ADGRV1: variants seen among roughly 807,000 people sequenced by gnomAD.
ADGRV1 encodes adhesion G protein-coupled receptor V1, also known as G-protein coupled receptor 98.
In ADGRV1, 359 loss-of-function variants were observed where a neutral mutation model predicts 596.2. The observed-to-expected ratio is 0.60, with a 90% CI of 0.55 to 0.66. The LOEUF is 0.66. Ranked by LOEUF, ADGRV1 falls within the 30% of genes least tolerant of loss-of-function variation. ADGRV1 has a pLI of 0.00. For synonymous variants in ADGRV1, 2,681 were observed against 2,679.2 expected, an observed-to-expected ratio of 1.00 and a Z score of -0.02; for missense variants, 7,274 against 7,575.6, an observed-to-expected ratio of 0.96 and a Z score of 1.48.
At chr5:90,564,099 A>G (rs1203626035) in intron 1 of ADGRV1, among the ~76,000 whole-genome samples, 10 of 152,264 alleles carry the variant, frequency 6.6e-5, no homozygotes. Flanking sequence ...AGAAGGCATA[A>G]TAGAAAGAAG....
chr5:90,719,864 T>C (rs1750683588), intron 43 of ADGRV1, among the ~76,000 whole-genome samples, 184 bp from the exon 44 acceptor site: 1 of 152,190 alleles, frequency 6.6e-6, no homozygotes, highest in Non-Finnish European at 1.5e-5. Context: ...AAGTTGAAAA[T>C]CCTAAAAGTA....
rs545629934 is a variant in ADGRV1 at position 90,756,418 on chromosome 5, A to G, written c.11581-36A>G. 2.7e-5 allele frequency: 39 copies of G among 1,424,496 alleles called. No homozygotes were observed. The East Asian group carries it at 7.8e-4, about 28-fold the overall frequency. The allele number at this position is 1,424,496 out of a possible 1,614,324, so 88.2% of individuals were successfully genotyped here. On this transcript the variant is annotated intron_variant, in intron 55 of 89. Transcript: ENST00000405460. ...TCAATGCAAGTTAAATGTCTTAAAA[A>G]AAAATGAAACACCATCTTTTTCCCC... is the stretch of plus-strand genomic sequence containing the variant.
At position 91,062,878 on chromosome 5, in the gene ADGRV1, G is replaced by T. The variant is rs73771168; in HGVS notation, c.18153-9569G>T. 8.8e-3 allele frequency among the ~76,000 whole-genome samples: 1,325 copies of T among 150,952 alleles called. 26 individuals carry two copies. The highest frequency in any genetic ancestry group is 0.031 in the African/African-American group (1,270 of 41,180). On this transcript the variant is annotated intron_variant, in intron 85 of 89. Transcript: ENST00000405460. ...TAGCCCCTTGGCTCCCTACCAAAGA[G>T]ATGTAAAGATTAACTAGTTAATTAG...
chr5:90,755,055 G>C lies in ADGRV1; in HGVS notation c.11450G>C (p.Arg3817Thr), dbSNP rs765704895. Residue 3817 changes from arginine to threonine, a missense_variant, in exon 55 of 90, where the codon AGA (arginine) becomes ACA (threonine). Physicochemically the swap from Arg to Thr is moderately conservative, Grantham distance 71. Around this residue, in one of 5 missense-constraint regions of ADGRV1, gnomAD observed 3,643 missense variants for 3,809.2 expected, o/e 0.96. Coordinates refer to ENST00000405460, the MANE Select transcript of ADGRV1 (RefSeq NM_032119.4). ...CTTGGGGATATTGCCATTCACTTGA[G>C]AGCTCAACCCAATTTCTTACTGCAT... ...GLLGDIAIHL[R>T]AQPNFLLHVD... 1.2e-6 allele frequency: 2 copies of C among 1,612,638 alleles called. No homozygotes were observed. The highest frequency in any genetic ancestry group is 1.7e-6 in the Non-Finnish European group (2 of 1,178,912).
rs1314967115 is a variant in ADGRV1, at chr5:90,721,531, A to AAAATAAAAT, written c.9748+475_9748+476insTAAAATAAA. 1.7e-3 allele frequency among the ~76,000 whole-genome samples: 142 copies of AAAATAAAAT among 82,560 alleles called. 13 individuals carry two copies. Among genetic ancestry groups the AAAATAAAAT allele is most frequent in the Middle Eastern group, 0.011 (2 of 180 alleles). The allele number at this position is 82,560 out of a possible 152,430, so 54.2% of individuals were successfully genotyped here. The stretch of plus-strand genomic sequence containing the variant: ...AAATAAAATAAAATAAAATAAAAAT[A>AAAATAAAAT]AAAATAAAATAAAATAAAATAAAAT... On this transcript the variant is annotated intron_variant, in intron 45 of 89. Transcript: ENST00000405460.
At chr5:91,031,135 A>G in intron 85 of ADGRV1, 1 of 1,340,154 alleles carries the variant, frequency 7.5e-7, no homozygotes, top group South Asian at 1.2e-5. Context: ...GAACAGAAAC[A>G]TCTGTAAGTA....
chr5:90,727,212 C>T (rs1000509591), intron 48 of ADGRV1, among the ~76,000 whole-genome samples: 37 of 152,110 alleles, frequency 2.4e-4, no homozygotes, highest in African/African-American at 2.9e-4. Flanking sequence ...CTTAGCCTCC[C>T]GGGTGGCTGG....
At chr5:90,573,980 A>G (rs1756881362) in intron 1 of ADGRV1, among the ~76,000 whole-genome samples, 1 of 151,942 alleles carries the variant, frequency 6.6e-6, no homozygotes, top group Admixed American at 6.6e-5. Flanking sequence ...CTTTATTTCT[A>G]TTCTGTTTTC....
chr5:90,728,641 G>A (rs2149811883), intron 48 of ADGRV1, 28 bp from the exon 49 acceptor site: 2 of 1,582,448 alleles, frequency 1.3e-6, no homozygotes, highest in East Asian at 2.2e-5. Flanking sequence ...TAGTCATAAA[G>A]GGTTTTGTAT....
intron 21 of ADGRV1, among the ~76,000 whole-genome samples, chr5:90,668,565 C>G (rs1023300495): frequency 1.5e-5 from 2 of 134,620 alleles, no homozygotes; most frequent in East Asian, 3.9e-4. Context: ...AGAAATCACC[C>G]GTCTTCTGCG....
chr5:90,881,954 C>T (rs1433980220), intron 83 of ADGRV1, among the ~76,000 whole-genome samples: 2 of 152,096 alleles, frequency 1.3e-5, no homozygotes, highest in Admixed American at 6.6e-5. Flanking sequence ...AGCAAACTGC[C>T]GGCTTCAGCC....
intron 85 of ADGRV1, among the ~76,000 whole-genome samples, chr5:90,995,987 C>T (rs1781382263): frequency 6.6e-6 from 1 of 152,224 alleles, no homozygotes; most frequent in East Asian, 1.9e-4. Flanking sequence ...AGCCTATGCT[C>T]ATTTGCATAA....
At chr5:91,100,723 C>T (rs1228909666) in intron 86 of ADGRV1, among the ~76,000 whole-genome samples, 1 of 152,138 alleles carries the variant, frequency 6.6e-6, no homozygotes, top group South Asian at 2.1e-4. Context: ...ATTTGTGCAG[C>T]CATCATCTTA....
At chr5:90,907,957 T>C (rs912130695) in intron 83 of ADGRV1, among the ~76,000 whole-genome samples, 9 of 152,094 alleles carry the variant, frequency 5.9e-5, no homozygotes, top group African/African-American at 1.9e-4. Flanking sequence ...TTCAAGTAAT[T>C]ATCCTGCCTC....
chr5:91,019,122 G>A (rs1783418817), intron 85 of ADGRV1, among the ~76,000 whole-genome samples: 1 of 151,964 alleles, frequency 6.6e-6, no homozygotes, highest in Non-Finnish European at 1.5e-5. Flanking sequence ...ACTTATCATT[G>A]TGGCTAGGAG....
chr5:91,117,748 A>C (rs16869473), intron 87 of ADGRV1, among the ~76,000 whole-genome samples: 8,302 of 152,276 alleles, frequency 0.055, 713 homozygotes, highest in African/African-American at 0.19. Context: ...ATCACTTCAT[A>C]GTTAAATGCT....
At chr5:90,823,855 C>T (rs555047552) in intron 76 of ADGRV1, among the ~76,000 whole-genome samples, 1 of 152,170 alleles carries the variant, frequency 6.6e-6, no homozygotes, top group South Asian at 2.1e-4. Context: ...GTAGGTTTAA[C>T]TTCTTTTATT....
intron 87 of ADGRV1, among the ~76,000 whole-genome samples, chr5:91,147,551 G>T (rs1240293877): frequency 6.6e-6 from 1 of 152,096 alleles, no homozygotes; most frequent in Non-Finnish European, 1.5e-5. Flanking sequence ...CATTTCTCCT[G>T]CTTGCACGCA....
intron 31 of ADGRV1, among the ~76,000 whole-genome samples, chr5:90,692,161 A>C (rs1039862185): frequency 3.9e-5 from 6 of 152,150 alleles, no homozygotes; most frequent in Admixed American, 3.9e-4. Flanking sequence ...GTGGCATTAC[A>C]GTATGTTTTT....
Sources: allele counts gnomAD v4.1 joint callset (sites outside exome capture counted in the v4.1 genomes callset), GRCh38; gene constraint gnomAD v4.1.1; regional missense constraint gnomAD v4.1.1; transcripts MANE v1.5; gene names NCBI Gene and HGNC (gene_info 2026-07-23, HGNC 2026-07-21).